Variants in HNRNPC observed in about 807,000 individuals in gnomAD.
HNRNPC encodes the protein heterogeneous nuclear ribonucleoprotein C.
A neutral mutation model predicts 33.2 loss-of-function variants in HNRNPC; 3 were observed. That is an observed-to-expected ratio of 0.09 (90% CI 0.04 to 0.23). HNRNPC has a LOEUF of 0.23. Ranked by LOEUF, HNRNPC falls within the 10% of genes least tolerant of loss-of-function variation. HNRNPC has a pLI of 1.00. For missense variants in HNRNPC, 143 were observed against 366.7 expected (o/e 0.39, Z 4.98); for synonymous variants, 121 against 126.7 (o/e 0.96, Z 0.30).
intron 3 of HNRNPC, 150 bp from the exon 4 acceptor site, chr14:21,231,222 C>A: frequency 4.0e-6 from 3 of 745,484 alleles, no homozygotes; most frequent in Non-Finnish European, 6.9e-6. Flanking sequence ...GAAACCTCTA[C>A]CTCCCGGTTC....
intron 2 of HNRNPC, among the ~76,000 whole-genome samples, chr14:21,249,368 A>G (rs1222293047): frequency 1.3e-5 from 2 of 151,080 alleles, no homozygotes; most frequent in East Asian, 3.9e-4. Context: ...AGAGGTCAGG[A>G]GTTTGAGACC....
intron 5 of HNRNPC, among the ~76,000 whole-genome samples, chr14:21,215,814 G>C (rs1330762998): frequency 2.0e-5 from 3 of 150,166 alleles, no homozygotes; most frequent in Non-Finnish European, 2.9e-5. Context: ...CAGAAGAATT[G>C]CTTGAATCTG....
intron 5 of HNRNPC, among the ~76,000 whole-genome samples, chr14:21,230,074 ATTT>A (rs376603914): frequency 2.0e-5 from 3 of 152,146 alleles, no homozygotes; most frequent in Non-Finnish European, 4.4e-5. Flanking sequence ...CACTCAGCGA[ATTT>A]TTTTGTATTT....
chr14:21,243,248 TG>T (rs1895569617), intron 2 of HNRNPC, among the ~76,000 whole-genome samples: 1 of 152,188 alleles, frequency 6.6e-6, no homozygotes, highest in Non-Finnish European at 1.5e-5. Context: ...TTTGGTGGCA[TG>T]TATTTCCTTT....
intron 2 of HNRNPC, among the ~76,000 whole-genome samples, chr14:21,260,792 G>A (rs1185563429): frequency 4.0e-5 from 6 of 151,776 alleles, no homozygotes; most frequent in African/African-American, 1.2e-4. Context: ...GTGAAACCTC[G>A]TCACTACTAA....
At chr14:21,251,038 G>GA (rs1896594125) in intron 2 of HNRNPC, among the ~76,000 whole-genome samples, 1 of 152,108 alleles carries the variant, frequency 6.6e-6, no homozygotes, top group Non-Finnish European at 1.5e-5. Flanking sequence ...GAGGCGGGTA[G>GA]ATCACGAGGT....
At chr14:21,268,981 G>A (rs1005447955) in intron 1 of HNRNPC, among the ~76,000 whole-genome samples, 1 of 152,066 alleles carries the variant, frequency 6.6e-6, no homozygotes, top group African/African-American at 2.4e-5. Flanking sequence ...CTATATTAAT[G>A]AGCATCACGA....
chr14:21,235,282 A>G (rs1306955519), intron 2 of HNRNPC, among the ~76,000 whole-genome samples: 1 of 152,198 alleles, frequency 6.6e-6, no homozygotes, highest in East Asian at 1.9e-4. Context: ...TTTGAAAGGT[A>G]CTGATAAATC....
intron 4 of HNRNPC, 124 bp downstream of exon 4, chr14:21,230,873 C>A: frequency 1.8e-6 from 2 of 1,095,350 alleles, no homozygotes; most frequent in Non-Finnish European, 2.7e-6. Context: ...ACACAGTACA[C>A]TTAAACCTCC....
At chr14:21,261,462 T>C (rs1722363137) in intron 2 of HNRNPC, among the ~76,000 whole-genome samples, 1 of 152,202 alleles carries the variant, frequency 6.6e-6, no homozygotes, top group Admixed American at 6.5e-5. Flanking sequence ...CTTCCAGGAA[T>C]CTTTTGCTTT....
intron 4 of HNRNPC, chr14:21,230,664 T>C (rs1894010750): frequency 2.0e-6 from 1 of 496,020 alleles, no homozygotes; most frequent in Non-Finnish European, 3.6e-6. Context: ...ACCACACTTC[T>C]ACCCTCTCTT....
chr14:21,249,511 G>A (rs1032147704), intron 2 of HNRNPC, among the ~76,000 whole-genome samples: 7 of 149,118 alleles, frequency 4.7e-5, no homozygotes, highest in Admixed American at 2.1e-4. Context: ...TGCTTGAACC[G>A]GGAAGCAGAG....
chr14:21,253,417 TGA>T (rs1187897745), intron 2 of HNRNPC, among the ~76,000 whole-genome samples: 1 of 125,198 alleles, frequency 8.0e-6, no homozygotes, highest in African/African-American at 3.2e-5. Flanking sequence ...GAGCTTGCAG[TGA>T]GAGAGATCAC....
intron 2 of HNRNPC, among the ~76,000 whole-genome samples, chr14:21,246,316 T>A (rs997737590): frequency 2.0e-5 from 3 of 152,028 alleles, no homozygotes; most frequent in Admixed American, 1.3e-4. Context: ...TCCCAGCACT[T>A]TGGAAGGCCG....
chr14:21,240,337 T>C (rs764907309), intron 2 of HNRNPC, among the ~76,000 whole-genome samples: 1 of 152,232 alleles, frequency 6.6e-6, no homozygotes, highest in Admixed American at 6.5e-5. Context: ...GGTGCTATCA[T>C]GCCTCTTCAC....
chr14:21,230,519 C>A (rs1893991106), intron 4 of HNRNPC, 153 bp from the exon 5 acceptor site: 2 of 623,730 alleles, frequency 3.2e-6, no homozygotes, highest in South Asian at 2.0e-5. Flanking sequence ...ATAAATCACT[C>A]AATTCCAATC....
At chr14:21,252,071 A>C (rs1253460015) in intron 2 of HNRNPC, among the ~76,000 whole-genome samples, 1 of 152,214 alleles carries the variant, frequency 6.6e-6, no homozygotes, top group African/African-American at 2.4e-5. Flanking sequence ...GAGAATAGTA[A>C]AAGGTTTGAT....
rs147306293 is a variant in HNRNPC, at chr14:21,251,695, G to A, written c.-37+11616C>T. Among the ~76,000 whole-genome samples, 14 of 152,104 alleles carry A rather than the reference G, an allele frequency of 9.2e-5. No individual in the cohort carries two copies. In the East Asian group the frequency reaches 2.1e-3, roughly 23 times the overall value. On this transcript the variant is annotated intron_variant, in intron 2 of 8. Transcript: ENST00000553300. ...TCCGTCTCAAAAAAAAAAGACACAC[G>A]TATTAGGAAAAATAGTCTCAGATTT...
chr14:21,236,056 T>C (rs1168736338), intron 2 of HNRNPC, among the ~76,000 whole-genome samples: 2 of 152,098 alleles, frequency 1.3e-5, no homozygotes, highest in Non-Finnish European at 2.9e-5. Flanking sequence ...TCTGAGTACA[T>C]AGCTAGTATT....
Sources: gnomAD v4.1 joint callset for allele counts (sites outside exome capture counted in the v4.1 genomes callset) on GRCh38, gnomAD v4.1.1 for gene constraint, MANE v1.5 for transcripts, NCBI Gene and HGNC (gene_info 2026-07-23, HGNC 2026-07-21) for gene names.